The following ZEB2 variants were observed in gnomAD, a reference collection of about 807,000 sequenced individuals.
ZEB2 encodes zinc finger E-box-binding homeobox 2.
Under a neutral mutation model 99.9 loss-of-function variants are expected in ZEB2, and 6 were observed. That is an observed-to-expected ratio of 0.06 (90% confidence interval 0.03 to 0.12). The LOEUF (loss-of-function observed/expected upper bound fraction) is 0.12, where lower values mean the gene tolerates loss of function less well. Among genes scored for constraint, ZEB2 ranks in the 10% least tolerant of loss-of-function variants. The probability of loss-of-function intolerance (pLI) is 1.00; values close to 1 mark genes in which losing one functional copy is unlikely to be tolerated. For missense variants in ZEB2, 969 were observed against 1,502.8 expected (o/e 0.64, Z 5.87); for synonymous variants, 517 against 542.5 (o/e 0.95, Z 0.65).
rs750339812 is a variant in ZEB2 at position 144,514,149 on chromosome 2, G to C, written c.73+3129C>G. 7.1e-4 allele frequency: 178 copies of C among 252,024 alleles called. 5 individuals are homozygous for C. The Admixed American group carries it at 8.8e-3, about 13-fold the overall frequency. 15.6% of individuals were successfully genotyped at this position (252,024 alleles called of 1,614,324 possible). A position where few individuals can be genotyped will look rare whatever the true frequency, so the allele number is the denominator to read the frequency against. ...TGAGAATCTGGAAGGTTGTATTTCAGATACTTGTTTCTCTCTTTGTACATT... is the reference window on the plus strand; with the variant it reads ...TGAGAATCTGGAAGGTTGTATTTCACATACTTGTTTCTCTCTTTGTACATT... On this transcript the variant is annotated intron_variant, in intron 2 of 9. Coordinates refer to ENST00000627532, the MANE Select transcript of ZEB2 (RefSeq NM_014795.4).
At chr2:144,476,295 T>C (rs1158939232) in intron 2 of ZEB2, among the ~76,000 whole-genome samples, 1 of 152,176 alleles carries the variant, frequency 6.6e-6, no homozygotes, top group Non-Finnish European at 1.5e-5. Context: ...GGATCTATTA[T>C]GGCTTCATGC....
intron 2 of ZEB2, chr2:144,512,480 T>C (rs1000657979): frequency 5.4e-5 from 69 of 1,287,114 alleles, no homozygotes; most frequent in Non-Finnish European, 6.8e-5. Flanking sequence ...TGGAATTTTC[T>C]TTAAGCAAAT....
At chr2:144,461,239 G>A (rs552563539) in intron 2 of ZEB2, 1 of 151,986 alleles carries the variant, frequency 6.6e-6, no homozygotes, top group African/African-American at 2.4e-5. Flanking sequence ...CCCTCCCAGA[G>A]CTCCCGGAGT....
chr2:144,491,085 GT>G (rs1704672342), intron 2 of ZEB2, among the ~76,000 whole-genome samples: 2 of 152,258 alleles, frequency 1.3e-5, no homozygotes, highest in African/African-American at 4.8e-5. Flanking sequence ...AGCTGTTATG[GT>G]CTATCATGCC....
Position 144,404,984 on chromosome 2 carries a change from A to C in ZEB2, c.444T>G (p.Phe148Leu), listed in dbSNP as rs1434660770. ...ANCTSDFEEY[F>L]AKRKLEERDG... ...CGCGTTCCTCCAGTTTTCTTTTGGCAAAGTATTCCTCAAAATCTGATGTGC... is the reference window on the plus strand; with the variant it reads ...CGCGTTCCTCCAGTTTTCTTTTGGCCAAGTATTCCTCAAAATCTGATGTGC... The change falls in exon 5 of 10, where the codon TTT becomes TTG. Residue 148 changes from phenylalanine (F) to leucine (L), a missense_variant. Transcript: ENST00000627532. 7.4e-6 allele frequency: 12 copies of C among 1,614,188 alleles called. No homozygotes were observed. Among genetic ancestry groups the C allele is most frequent in the Non-Finnish European group, 1.0e-5 (12 of 1,180,040 alleles).
chr2:144,450,929 T>G (rs1056217230), intron 2 of ZEB2, among the ~76,000 whole-genome samples: 1 of 152,132 alleles, frequency 6.6e-6, no homozygotes, highest in Non-Finnish European at 1.5e-5. Flanking sequence ...CCGCCTGCCT[T>G]GGCCTCCCAA....
At chr2:144,493,695 A>T (rs1216563425) in intron 2 of ZEB2, among the ~76,000 whole-genome samples, 1 of 152,220 alleles carries the variant, frequency 6.6e-6, no homozygotes, top group East Asian at 1.9e-4. Flanking sequence ...CATGCAGAGT[A>T]TGTGGACCAA....
intron 2 of ZEB2, among the ~76,000 whole-genome samples, chr2:144,478,153 A>G (rs779311368): frequency 6.6e-5 from 10 of 152,194 alleles, no homozygotes; most frequent in Non-Finnish European, 1.5e-4. Context: ...TTAAAAGCTC[A>G]TCGGGTGCAT....
chr2:144,512,389 C>G (rs2149931383), intron 2 of ZEB2: 1 of 1,287,246 alleles, frequency 7.8e-7, no homozygotes, highest in African/African-American at 1.5e-5. Flanking sequence ...TAGCAACGCC[C>G]TCCTTTCCTA....
chr2:144,452,596 C>A (rs777875019), intron 2 of ZEB2, among the ~76,000 whole-genome samples: 2 of 152,154 alleles, frequency 1.3e-5, no homozygotes, highest in African/African-American at 2.4e-5. Context: ...TCTGCTCCGG[C>A]GGTAATGATT....
intron 3 of ZEB2, chr2:144,426,461 C>G (rs995816325): frequency 1.3e-5 from 2 of 151,300 alleles, no homozygotes; most frequent in Non-Finnish European, 2.9e-5. Flanking sequence ...AGTTTTCCAT[C>G]TGAGAGCACA....
intron 2 of ZEB2, among the ~76,000 whole-genome samples, chr2:144,457,751 A>C (rs1704140254): frequency 6.6e-6 from 1 of 152,108 alleles, no homozygotes; most frequent in East Asian, 1.9e-4. Context: ...AAACTCAACA[A>C]ATTTACATGC....
chr2:144,409,806 T>C (rs908632941), intron 4 of ZEB2, among the ~76,000 whole-genome samples: 2 of 152,078 alleles, frequency 1.3e-5, no homozygotes, highest in African/African-American at 4.8e-5. Context: ...GCAGAAACGC[T>C]TGAGCTTGGG....
rs756424812 is a variant in ZEB2, at chr2:144,389,558, G to C, written c.3538C>G (p.Arg1180Gly). The stretch of plus-strand genomic sequence containing the variant: ...TGATCTCCAGTCTCTTCTTCATCTC[G>C]TATCGTTTCGGGATCCGTATCCATA... ...KSMDTDPETI[R>G]DEEETGDHSM... The change falls in exon 10 of 10, where the codon CGA becomes GGA. Residue 1180 changes from arginine (R) to glycine (G), a missense_variant. Transcript: ENST00000627532. The surrounding 1 kb of genome is among the most constrained non-coding windows in gnomAD (Gnocchi z 6.8). 6.2e-7 allele frequency: 1 copy of C among 1,613,762 alleles called. No individual in the cohort carries two copies. Among genetic ancestry groups the C allele is most frequent in the African/African-American group, 1.3e-5 (1 of 74,794 alleles).
intron 9 of ZEB2, among the ~76,000 whole-genome samples, chr2:144,391,545 A>G (rs1408913148): frequency 6.6e-6 from 1 of 152,262 alleles, no homozygotes; most frequent in African/African-American, 2.4e-5. Flanking sequence ...GGTAAACTGG[A>G]TAACAGAGAA....
intron 8 of ZEB2, among the ~76,000 whole-genome samples, chr2:144,397,465 T>C (rs1703244569): frequency 6.6e-6 from 1 of 152,240 alleles, no homozygotes; most frequent in African/African-American, 2.4e-5. Flanking sequence ...TGTTAAAATA[T>C]AACTGCTTTC....
At chr2:144,437,209 T>C (rs1703850466) in intron 2 of ZEB2, among the ~76,000 whole-genome samples, 1 of 152,232 alleles carries the variant, frequency 6.6e-6, no homozygotes, top group Non-Finnish European at 1.5e-5. Flanking sequence ...CTTAGCTATA[T>C]TCCAGAACAC....
intron 2 of ZEB2, among the ~76,000 whole-genome samples, chr2:144,509,075 T>C (rs1477706973): frequency 6.6e-6 from 1 of 152,206 alleles, no homozygotes; most frequent in Admixed American, 6.5e-5. Flanking sequence ...TTGAACAGTT[T>C]TCATGCCTAT....
chr2:144,398,240 C>T, intron 8 of ZEB2, 61 bp downstream of exon 8: 1 of 1,600,460 alleles, frequency 6.2e-7, no homozygotes, highest in Non-Finnish European at 8.5e-7. Flanking sequence ...TTCCTACATG[C>T]ACATAATCAA....
Sources: gnomAD v4.1 joint callset for allele counts (sites outside exome capture counted in the v4.1 genomes callset) on GRCh38, gnomAD v4.1.1 for gene constraint, Gnocchi (gnomAD v3.1) non-coding constraint, MANE v1.5 for transcripts, NCBI Gene and HGNC (gene_info 2026-07-23, HGNC 2026-07-21) for gene names.